ARB2A: variants seen among roughly 807,000 people sequenced by gnomAD.
The protein encoded by ARB2A is ARB2 cotranscriptional regulator A, also known as cotranscriptional regulator ARB2A.
chr5:93,703,773 C>T, the ARB2A span, among the ~76,000 whole-genome samples: 1 of 152,216 alleles, frequency 6.6e-6, no homozygotes, highest in African/African-American at 2.4e-5. Flanking sequence ...CTTGCCCCTA[C>T]ATCTGGCTAT....
At chr5:94,091,498 T>C in the ARB2A span, among the ~76,000 whole-genome samples, 3 of 152,278 alleles carry the variant, frequency 2.0e-5, no homozygotes, top group African/African-American at 7.2e-5. Flanking sequence ...GAGAAGAGGC[T>C]CAAATGGCCT....
At chr5:93,696,867 G>C in the ARB2A span, among the ~76,000 whole-genome samples, 2 of 151,906 alleles carry the variant, frequency 1.3e-5, no homozygotes, top group Admixed American at 6.6e-5. Flanking sequence ...TTTGAGACCA[G>C]CCTGGCCAAC....
chr5:94,095,143 C>T, the ARB2A span, among the ~76,000 whole-genome samples: 1 of 152,160 alleles, frequency 6.6e-6, no homozygotes, highest in African/African-American at 2.4e-5. Context: ...GGTCAGCCTC[C>T]AGGTTAACTG....
the ARB2A span, among the ~76,000 whole-genome samples, chr5:94,087,416 TTAA>T: frequency 6.6e-6 from 1 of 151,974 alleles, no homozygotes; most frequent in Non-Finnish European, 1.5e-5. Flanking sequence ...TAAAAAAAAA[TTAA>T]TTTTAAAATT....
chr5:93,719,756 C>A, the ARB2A span, among the ~76,000 whole-genome samples: 2 of 152,176 alleles, frequency 1.3e-5, no homozygotes, highest in African/African-American at 4.8e-5. Context: ...TTCCAAATAT[C>A]CATCTACTAT....
the ARB2A span, among the ~76,000 whole-genome samples, chr5:93,746,242 CAT>C: frequency 6.6e-6 from 1 of 152,096 alleles, no homozygotes; most frequent in Admixed American, 6.5e-5. Context: ...GTTGTAATAA[CAT>C]AGAAAAAGAG....
the ARB2A span, among the ~76,000 whole-genome samples, chr5:93,799,702 G>A: frequency 3.9e-5 from 6 of 152,160 alleles, 1 homozygote; most frequent in South Asian, 4.1e-4. Context: ...ATTATAAAGC[G>A]TTGAATATAA....
At chr5:93,716,802 T>C in the ARB2A span, among the ~76,000 whole-genome samples, 1 of 151,318 alleles carries the variant, frequency 6.6e-6, no homozygotes, top group South Asian at 2.1e-4. Context: ...CTGCTGTTCA[T>C]ACTCAGTACA....
chr5:94,018,882 G>C, the ARB2A span, among the ~76,000 whole-genome samples: 1 of 152,000 alleles, frequency 6.6e-6, no homozygotes, highest in African/African-American at 2.4e-5. Flanking sequence ...GAACAAAGCT[G>C]GTGACATCAC....
the ARB2A span, among the ~76,000 whole-genome samples, chr5:94,088,003 C>T: frequency 1.3e-5 from 2 of 152,148 alleles, no homozygotes; most frequent in African/African-American, 4.8e-5. Context: ...TGACTCATGA[C>T]CATACTACAA....
At chr5:93,878,908 T>C in the ARB2A span, among the ~76,000 whole-genome samples, 1 of 152,078 alleles carries the variant, frequency 6.6e-6, no homozygotes, top group Non-Finnish European at 1.5e-5. Context: ...ATTTATTATC[T>C]ACCATTTACT....
chr5:93,852,445 G>C, the ARB2A span, among the ~76,000 whole-genome samples: 1 of 152,124 alleles, frequency 6.6e-6, no homozygotes, highest in Non-Finnish European at 1.5e-5. Flanking sequence ...CTATGCAGAA[G>C]CTCTTTAGTT....
the ARB2A span, chr5:93,619,464 A>G: frequency 2.6e-5 from 4 of 152,210 alleles, no homozygotes; most frequent in Admixed American, 2.6e-4. Context: ...ATAATATAAA[A>G]ACATTTAAGC....
the ARB2A span, among the ~76,000 whole-genome samples, chr5:94,082,316 T>G: frequency 6.6e-6 from 1 of 152,224 alleles, no homozygotes; most frequent in African/African-American, 2.4e-5. Flanking sequence ...CTAACAAGAA[T>G]TGAAATTTGG....
At chr5:93,857,651 A>C in the ARB2A span, among the ~76,000 whole-genome samples, 1 of 152,176 alleles carries the variant, frequency 6.6e-6, no homozygotes, top group Non-Finnish European at 1.5e-5. Flanking sequence ...GTGCAGTATT[A>C]GGGTGGGAGT....
At chr5:93,765,599 T>C in the ARB2A span, among the ~76,000 whole-genome samples, 2 of 152,062 alleles carry the variant, frequency 1.3e-5, no homozygotes, top group Non-Finnish European at 2.9e-5. Flanking sequence ...AGAATCAACA[T>C]CATGAAAATG....
At chr5:93,779,638 A>T in the ARB2A span, among the ~76,000 whole-genome samples, 1 of 152,240 alleles carries the variant, frequency 6.6e-6, no homozygotes, top group Admixed American at 6.5e-5. Context: ...TAGTCCCAAC[A>T]AACAAGCATA....
At chr5:94,010,878 A>C in the ARB2A span, among the ~76,000 whole-genome samples, 1 of 152,222 alleles carries the variant, frequency 6.6e-6, no homozygotes, top group Middle Eastern at 3.2e-3. Context: ...TAATGGGTTG[A>C]GTGTAGAGTG....
At chr5:93,843,997 T>A in the ARB2A span, among the ~76,000 whole-genome samples, 1 of 151,670 alleles carries the variant, frequency 6.6e-6, no homozygotes, top group Non-Finnish European at 1.5e-5. Context: ...CACTGCAAAA[T>A]TTAGAACCCA....
Sources: allele counts gnomAD v4.1 joint callset (sites outside exome capture counted in the v4.1 genomes callset), GRCh38; gene constraint gnomAD v4.1.1; transcripts MANE v1.5; gene names NCBI Gene and HGNC (gene_info 2026-07-23, HGNC 2026-07-21).